THSD7B: variants seen among roughly 807,000 people sequenced by gnomAD.
The protein encoded by THSD7B is thrombospondin type-1 domain-containing protein 7B.
Under a neutral mutation model 213.6 loss-of-function variants are expected in THSD7B, and 138 were observed. The observed-to-expected ratio is 0.65, with a 90% CI of 0.56 to 0.74. The LOEUF is 0.74. THSD7B is among the 30% of genes least tolerant of loss of function. THSD7B has a pLI of 0.00. For synonymous variants in THSD7B, 742 were observed against 687.0 expected (o/e 1.08, Z -1.25); for missense variants, 1,931 against 1,991.5 (o/e 0.97, Z 0.58).
intron 2 of THSD7B, among the ~76,000 whole-genome samples, chr2:136,934,133 CA>C: frequency 6.6e-6 from 1 of 152,110 alleles, no homozygotes; most frequent in Non-Finnish European, 1.5e-5. Context: ...TTATTAGTTT[CA>C]AAACCTTTTA....
At chr2:137,470,882 G>C (rs967351946) in intron 15 of THSD7B, among the ~76,000 whole-genome samples, 1 of 148,794 alleles carries the variant, frequency 6.7e-6, no homozygotes, top group African/African-American at 2.5e-5. Context: ...TCTTCCACCA[G>C]CCCTTCCTAT....
chr2:136,973,589 G>C (rs1024167361), intron 2 of THSD7B, among the ~76,000 whole-genome samples: 6 of 152,082 alleles, frequency 3.9e-5, no homozygotes, highest in Non-Finnish European at 7.4e-5. Flanking sequence ...TTTACCAATA[G>C]AAAAGTGCAT....
At chr2:137,400,981 G>A (rs1686343213) in intron 12 of THSD7B, among the ~76,000 whole-genome samples, 1 of 152,182 alleles carries the variant, frequency 6.6e-6, no homozygotes, top group Non-Finnish European at 1.5e-5. Flanking sequence ...AATGGCTTAG[G>A]TGAAACCGCT....
At chr2:137,299,780 T>C (rs893482145) in intron 12 of THSD7B, among the ~76,000 whole-genome samples, 5 of 152,196 alleles carry the variant, frequency 3.3e-5, no homozygotes, top group Admixed American at 6.5e-5. Flanking sequence ...ATAGTTGCTA[T>C]TGTACCATGG....
At chr2:137,104,481 C>T (rs1688210015) in intron 4 of THSD7B, among the ~76,000 whole-genome samples, 1 of 148,268 alleles carries the variant, frequency 6.7e-6, no homozygotes, top group Admixed American at 6.9e-5. Flanking sequence ...GTAAAAAGAA[C>T]ATCACAAGTA....
intron 12 of THSD7B, among the ~76,000 whole-genome samples, chr2:137,395,457 G>A (rs1027802440): frequency 1.3e-5 from 2 of 149,904 alleles, no homozygotes; most frequent in African/African-American, 2.5e-5. Context: ...TTATATGCTG[G>A]ATTACATTTA....
chr2:137,266,328 G>T (rs1682589208), intron 10 of THSD7B, among the ~76,000 whole-genome samples: 1 of 152,194 alleles, frequency 6.6e-6, no homozygotes, highest in South Asian at 2.1e-4. Flanking sequence ...TCTAACAGGT[G>T]TTAGGGTTGC....
intron 4 of THSD7B, among the ~76,000 whole-genome samples, chr2:137,098,165 T>C (rs1355735544): frequency 1.3e-5 from 2 of 152,214 alleles, no homozygotes; most frequent in Non-Finnish European, 1.5e-5. Flanking sequence ...ATCAAGCAAG[T>C]TAATTCACCT....
chr2:137,172,089 T>C (rs564167620), intron 7 of THSD7B, among the ~76,000 whole-genome samples: 36 of 152,362 alleles, frequency 2.4e-4, no homozygotes, highest in African/African-American at 7.9e-4. Flanking sequence ...TGTGATATTG[T>C]GTTTTCTAAT....
At chr2:137,331,533 C>T (rs756490531) in intron 12 of THSD7B, among the ~76,000 whole-genome samples, 5 of 152,230 alleles carry the variant, frequency 3.3e-5, no homozygotes, top group African/African-American at 9.6e-5. Context: ...CTCAGGAGCC[C>T]AGCTGGCTTC....
At chr2:137,483,628 G>A (rs147957987) in intron 15 of THSD7B, among the ~76,000 whole-genome samples, 6 of 152,046 alleles carry the variant, frequency 3.9e-5, no homozygotes, top group African/African-American at 1.2e-4. Context: ...AAGCACTGGG[G>A]TGGGGACAAT....
chr2:137,106,819 T>C (rs1233231457), intron 4 of THSD7B, among the ~76,000 whole-genome samples: 2 of 152,202 alleles, frequency 1.3e-5, no homozygotes, highest in Admixed American at 1.3e-4. Flanking sequence ...ATTAGAGAAA[T>C]GCAAATGAAA....
intron 7 of THSD7B, among the ~76,000 whole-genome samples, chr2:137,212,080 T>C (rs1435371012): frequency 6.6e-6 from 1 of 152,114 alleles, no homozygotes; most frequent in South Asian, 2.1e-4. Context: ...TTTTCTAATA[T>C]AACCTCACAA....
chr2:137,042,404 T>C (rs1443246061), intron 2 of THSD7B, among the ~76,000 whole-genome samples: 2 of 152,102 alleles, frequency 1.3e-5, no homozygotes, highest in African/African-American at 2.4e-5. Context: ...CTCTCTCTCT[T>C]TTTTTTCCTC....
chr2:136,889,077 T>C (rs1048593781), intron 2 of THSD7B, among the ~76,000 whole-genome samples: 7 of 152,014 alleles, frequency 4.6e-5, no homozygotes, highest in Admixed American at 2.0e-4. Flanking sequence ...GGATATAAAA[T>C]GACTATAAAT....
At chr2:137,094,498 T>C (rs1268885203) in intron 3 of THSD7B, among the ~76,000 whole-genome samples, 1 of 151,136 alleles carries the variant, frequency 6.6e-6, no homozygotes, top group Non-Finnish European at 1.5e-5. Flanking sequence ...TGCTTGAATC[T>C]GGGAGGCAGA....
chr2:137,161,309 AT>A (rs906342838), intron 6 of THSD7B, among the ~76,000 whole-genome samples: 7 of 152,300 alleles, frequency 4.6e-5, no homozygotes, highest in South Asian at 2.1e-4. Context: ...ACTAAAAAAA[AT>A]ATTTCCTTTA....
At chr2:137,537,876 C>T (rs1680535557) in intron 15 of THSD7B, among the ~76,000 whole-genome samples, 1 of 151,636 alleles carries the variant, frequency 6.6e-6, no homozygotes, top group Admixed American at 6.6e-5. Flanking sequence ...ATGATCCTAG[C>T]CCTGCCCTCA....
At chr2:137,582,067 C>T (rs1681592815) in intron 17 of THSD7B, among the ~76,000 whole-genome samples, 2 of 151,940 alleles carry the variant, frequency 1.3e-5, no homozygotes, top group Non-Finnish European at 2.9e-5. Flanking sequence ...GATGGCGCCA[C>T]TGCACTGCAG....
Sources: gnomAD v4.1 joint callset for allele counts (sites outside exome capture counted in the v4.1 genomes callset) on GRCh38, gnomAD v4.1.1 for gene constraint, MANE v1.5 for transcripts, NCBI Gene and HGNC (gene_info 2026-07-23, HGNC 2026-07-21) for gene names.